Variants in MINK1 observed in about 807,000 individuals in gnomAD.
MINK1 encodes misshapen-like kinase 1.
A neutral mutation model predicts 178.4 loss-of-function variants in MINK1; 46 were observed. That is an observed-to-expected ratio of 0.26 (90% CI 0.20 to 0.33). MINK1 has a LOEUF of 0.33. Among genes scored for constraint, MINK1 ranks in the 10% least tolerant of loss-of-function variants. The pLI, the probability that MINK1 is intolerant of heterozygous loss-of-function variation, is 1.00. For missense variants in MINK1, 1,366 were observed against 1,814.9 expected, an observed-to-expected ratio of 0.75 and a Z score of 4.49; for synonymous variants, 797 against 709.7, an observed-to-expected ratio of 1.12 and a Z score of -1.96.
rs1304357504 is a variant in MINK1, at chr17:4,894,795, A to AC, written c.2917+166dup. On this transcript the variant is annotated intron_variant, in intron 24 of 31. Coordinates refer to ENST00000355280, the MANE Select transcript of MINK1 (RefSeq NM_153827.5). The surrounding 1 kb of genome is among the most constrained non-coding windows in gnomAD (Gnocchi z 4.1). Reference sequence around the variant, plus strand: ...ACAGAGGCAAGGAAGAGCCTCTGAGACCCCTCCTTCCTGTCCCACAGGACA... The same window carrying AC: ...ACAGAGGCAAGGAAGAGCCTCTGAGACCCCCTCCTTCCTGTCCCACAGGACA... 6 of 648,030 alleles carry AC rather than the reference A, an allele frequency of 9.3e-6. No individual in the cohort carries two copies. The highest frequency in any genetic ancestry group is 1.6e-5 in the Non-Finnish European group (6 of 374,392). 40.1% of individuals were successfully genotyped at this position (648,030 alleles called of 1,614,324 possible).
At position 4,894,966 on chromosome 17, in the gene MINK1, TC is replaced by T; in HGVS notation, c.2918-107del. On this transcript the variant is annotated intron_variant, in intron 24 of 31. Transcript: ENST00000355280. The surrounding 1 kb of genome is among the most constrained non-coding windows in gnomAD (Gnocchi z 4.1). Reference sequence around the variant, plus strand: ...ACCTCCTCTCCTCCTGTCTTTCTCCTCCTTTCTGCGTATTATGAGGTGCCAA... The same window carrying T: ...ACCTCCTCTCCTCCTGTCTTTCTCCTCTTTCTGCGTATTATGAGGTGCCAA... The T allele has an allele frequency of 2.5e-6, 3 of 1,209,516 alleles. No homozygotes were observed. Among genetic ancestry groups the T allele is most frequent in the Non-Finnish European group, 3.5e-6 (3 of 863,348 alleles). The allele number at this position is 1,209,516 out of a possible 1,614,324, so 74.9% of individuals were successfully genotyped here.
intron 1 of MINK1, chr17:4,834,849 A>G (rs915774732): frequency 1.9e-6 from 1 of 519,940 alleles, no homozygotes; most frequent in Admixed American, 1.9e-5. Flanking sequence ...CATGGCCAGT[A>G]GTGGGAAAAG....
Position 4,887,614 on chromosome 17 carries a change from C to A in MINK1, c.1054C>A (p.Arg352Ser). The change falls in exon 12 of 32, where the codon CGC becomes AGC. Residue 352 changes from arginine to serine, a missense_variant. Physicochemically the swap from Arg to Ser is moderately radical, Grantham distance 110. Around this residue, in one of 14 missense-constraint regions of MINK1, gnomAD observed 56 missense variants for 64.0 expected, o/e 0.87. Coordinates refer to ENST00000355280, the MANE Select transcript of MINK1 (RefSeq NM_153827.5). This position sits in a 1 kb window ranked among gnomAD's most constrained non-coding sequence, Gnocchi z 7.6. ...IMNVPGESTL[R>S]REFLRLQQEN... is the part of the protein sequence containing the mutation. ...GAACGTGCCTGGAGAGTCGACTCTACGCCGGGAGTTTCTCCGGCTCCAGCA... is the reference window on the plus strand; with the variant it reads ...GAACGTGCCTGGAGAGTCGACTCTAAGCCGGGAGTTTCTCCGGCTCCAGCA... 6.4e-7 allele frequency: 1 copy of A among 1,562,956 alleles called. No individual in the cohort carries two copies. Among genetic ancestry groups the A allele is most frequent in the East Asian group, 2.4e-5 (1 of 42,286 alleles).
In MINK1 at chr17:4,887,865, G is replaced by C; in HGVS notation, c.1230+75G>C. The C allele has an allele frequency of 8.1e-7, 1 of 1,240,002 alleles. No homozygotes were observed. The highest frequency in any genetic ancestry group is 1.1e-6 in the Non-Finnish European group (1 of 936,156). 76.8% of individuals were successfully genotyped at this position (1,240,002 alleles called of 1,614,324 possible). ...GCCCCGGGTCCATTAGGGCCTTGGA[G>C]AACAGGTTTTAAAATGCCTTAAATG... On this transcript the variant is annotated intron_variant, in intron 12 of 31. Coordinates refer to ENST00000355280, the MANE Select transcript of MINK1 (RefSeq NM_153827.5). This position sits in a 1 kb window ranked among gnomAD's most constrained non-coding sequence, Gnocchi z 7.6.
At chr17:4,874,012 G>A (rs930141372) in intron 1 of MINK1, among the ~76,000 whole-genome samples, 4 of 152,042 alleles carry the variant, frequency 2.6e-5, no homozygotes, top group African/African-American at 9.7e-5. Context: ...AGAGGCACAC[G>A]ACTAGTGCCA....
chr17:4,888,460 AC>A (rs1273896292), intron 12 of MINK1, among the ~76,000 whole-genome samples: 1 of 151,036 alleles, frequency 6.6e-6, no homozygotes, highest in Non-Finnish European at 1.5e-5. Context: ...ATATGGTGAA[AC>A]CCCATCTCTA....
intron 1 of MINK1, among the ~76,000 whole-genome samples, chr17:4,857,757 C>G (rs1333600252): frequency 6.6e-6 from 1 of 151,962 alleles, no homozygotes; most frequent in African/African-American, 2.4e-5. Flanking sequence ...GGTGAGCCAC[C>G]GCGCCCAGCC....
At position 4,894,312 on chromosome 17, in the gene MINK1, G is replaced by A; in HGVS notation, c.2808+1G>A. 2 of 1,611,526 alleles carry A rather than the reference G, an allele frequency of 1.2e-6. No individual in the cohort carries two copies. Among genetic ancestry groups the A allele is most frequent in the Non-Finnish European group, 1.7e-6 (2 of 1,179,364 alleles). On this transcript the variant is annotated splice_donor_variant, in intron 23 of 31. Coordinates refer to ENST00000355280, the MANE Select transcript of MINK1 (RefSeq NM_153827.5). LOFTEE classifies it high-confidence loss of function. This position sits in a 1 kb window ranked among gnomAD's most constrained non-coding sequence, Gnocchi z 4.1. ...ACCCTCGAAGGATGGGAGTGGTGAC[G>A]TAAGTGGGCCGGAGGCAGGTCCGCC...
At chr17:4,857,156 GA>G (rs1435475464) in intron 1 of MINK1, 3 of 267,536 alleles carry the variant, frequency 1.1e-5, no homozygotes, top group Non-Finnish European at 2.2e-5. Flanking sequence ...TGGCAGGGGG[GA>G]CAGCCGCCAC....
In MINK1 at chr17:4,885,745, T is replaced by C; in HGVS notation, c.639+132T>C. 1.4e-6 allele frequency: 2 copies of C among 1,426,594 alleles called. No homozygotes were observed. The highest frequency in any genetic ancestry group is 1.9e-6 in the Non-Finnish European group (2 of 1,043,732). 88.4% of individuals were successfully genotyped at this position (1,426,594 alleles called of 1,614,324 possible). ...AGCAGTGAGGGGCTGGGGAACATCT[T>C]ACGGCAAGGCAAGTGTGGGTGGGAA... On this transcript the variant is annotated intron_variant, in intron 7 of 31. Transcript: ENST00000355280. This position sits in a 1 kb window ranked among gnomAD's most constrained non-coding sequence, Gnocchi z 5.0.
In MINK1 at chr17:4,833,394, C is replaced by T. The variant is rs1249349423; in HGVS notation, c.-190C>T. ...AGAGGTGGTAGGCTCGGGTGGCTGG[C>T]TCCGGGGAGATAGCGCCTGTCAGTC... On this transcript the variant is annotated 5_prime_UTR_variant, in exon 1 of 32. Transcript: ENST00000355280. This position sits in a 1 kb window ranked among gnomAD's most constrained non-coding sequence, Gnocchi z 4.8. 1.1e-5 allele frequency: 6 copies of T among 525,348 alleles called. No homozygotes were observed. The highest frequency in any genetic ancestry group is 4.5e-5 in the South Asian group (2 of 44,102). 32.5% of individuals were successfully genotyped at this position (525,348 alleles called of 1,614,324 possible). A position where few individuals can be genotyped will look rare whatever the true frequency, so the allele number is the denominator to read the frequency against.
At position 4,881,923 on chromosome 17, in the gene MINK1, G is replaced by A. The variant is rs558935629; in HGVS notation, c.306+666G>A. Among the ~76,000 whole-genome samples the A allele has an allele frequency of 9.2e-5, 14 of 152,388 alleles. No homozygotes were observed. In the East Asian group the frequency reaches 1.5e-3, roughly 17 times the overall value. On this transcript the variant is annotated intron_variant, in intron 4 of 31. Coordinates refer to ENST00000355280, the MANE Select transcript of MINK1 (RefSeq NM_153827.5). The stretch of plus-strand genomic sequence containing the variant: ...AGCAGGGAGTGTGGCAATGGCTGTC[G>A]GGAGTTTTGGCGCTGACGCCAGGTC...
intron 1 of MINK1, among the ~76,000 whole-genome samples, chr17:4,835,331 A>G (rs1183777144): frequency 1.3e-5 from 2 of 152,148 alleles, no homozygotes; most frequent in Admixed American, 6.5e-5. Context: ...AAATACAATA[A>G]AAAATGGGTG....
chr17:4,854,884 A>G (rs1912773780), intron 1 of MINK1: 3 of 431,780 alleles, frequency 6.9e-6, no homozygotes, highest in Non-Finnish European at 9.3e-6. Flanking sequence ...AGAAGCGCTG[A>G]GAAAAGGAGT....
rs1448021175 is a variant in MINK1, at chr17:4,894,109, C to T, written c.2670+16C>T. On this transcript the variant is annotated intron_variant, in intron 22 of 31. Transcript: ENST00000355280. This position sits in a 1 kb window ranked among gnomAD's most constrained non-coding sequence, Gnocchi z 4.1. The stretch of plus-strand genomic sequence containing the variant: ...GGTCCAGCGCGTGAGTGAGCCTCTG[C>T]TCCCTCCCCTGTACCTGTGTGTGCC... 2.5e-6 allele frequency: 4 copies of T among 1,601,812 alleles called. No homozygotes were observed. Among genetic ancestry groups the T allele is most frequent in the Non-Finnish European group, 3.4e-6 (4 of 1,172,762 alleles).
At chr17:4,864,580 C>T (rs1212624315) in intron 1 of MINK1, among the ~76,000 whole-genome samples, 1 of 151,500 alleles carries the variant, frequency 6.6e-6, no homozygotes, top group Non-Finnish European at 1.5e-5. Flanking sequence ...CAAAAATTAG[C>T]CGGGCATGGT....
At chr17:4,848,463 C>T (rs963684301) in intron 1 of MINK1, among the ~76,000 whole-genome samples, 6 of 152,198 alleles carry the variant, frequency 3.9e-5, no homozygotes, top group South Asian at 2.1e-4. Flanking sequence ...CAGGTTCATG[C>T]CATTCTCCTG....
intron 1 of MINK1, among the ~76,000 whole-genome samples, chr17:4,849,451 G>A (rs1408075603): frequency 6.6e-6 from 1 of 152,178 alleles, no homozygotes; most frequent in Non-Finnish European, 1.5e-5. Flanking sequence ...GGGCGGCTCA[G>A]GATGCTGGGC....
intron 1 of MINK1, chr17:4,859,235 A>G (rs1162623485): frequency 7.1e-6 from 7 of 985,278 alleles, no homozygotes; most frequent in East Asian, 1.1e-4. Flanking sequence ...CAGTTCTTCT[A>G]CCATTCTGGA....
Sources: allele counts gnomAD v4.1 joint callset (sites outside exome capture counted in the v4.1 genomes callset), GRCh38; gene constraint gnomAD v4.1.1; regional missense constraint gnomAD v4.1.1; non-coding constraint Gnocchi (gnomAD v3.1); transcripts MANE v1.5; gene names NCBI Gene and HGNC (gene_info 2026-07-23, HGNC 2026-07-21).